Variants in ARID2 observed in about 807,000 individuals in gnomAD.
ARID2 encodes the protein AT-rich interactive domain-containing protein 2.
ARID2 carries 32 observed loss-of-function variants against 184.6 expected under a neutral mutation model. That is an observed-to-expected ratio of 0.17 (90% CI 0.13 to 0.23). The LOEUF (loss-of-function observed/expected upper bound fraction) is 0.23. ARID2 is among the 10% of genes least tolerant of loss of function. The pLI is 1.00. For missense variants in ARID2, 1,696 were observed against 2,197.6 expected (o/e 0.77, Z 4.56); for synonymous variants, 836 against 772.6 (o/e 1.08, Z -1.36).
At chr12:45,886,302 C>G (rs1436896529) in intron 16 of ARID2, among the ~76,000 whole-genome samples, 3 of 152,224 alleles carry the variant, frequency 2.0e-5, no homozygotes, top group African/African-American at 7.2e-5. Flanking sequence ...GTTTCACACC[C>G]TGGTCACGCT....
chr12:45,787,603 TA>T (rs1446861685), intron 3 of ARID2, among the ~76,000 whole-genome samples: 4 of 152,134 alleles, frequency 2.6e-5, no homozygotes, highest in African/African-American at 9.7e-5. Context: ...ATTTGTTGAT[TA>T]AAAAATAGAA....
intron 12 of ARID2, among the ~76,000 whole-genome samples, 164 bp downstream of exon 12, chr12:45,847,101 A>G (rs1017626611): frequency 6.6e-6 from 1 of 152,154 alleles, no homozygotes; most frequent in Non-Finnish European, 1.5e-5. Context: ...ATCCCCTTGT[A>G]TATTGGAATA....
chr12:45,827,454 T>C (rs902151528), intron 6 of ARID2, among the ~76,000 whole-genome samples: 15 of 152,132 alleles, frequency 9.9e-5, no homozygotes, highest in African/African-American at 3.4e-4. Flanking sequence ...CTATTTTCTG[T>C]GTGCCAATAC....
intron 10 of ARID2, among the ~76,000 whole-genome samples, 179 bp from the exon 11 acceptor site, chr12:45,839,150 C>T (rs958916809): frequency 1.9e-4 from 29 of 152,026 alleles, no homozygotes; most frequent in Middle Eastern, 3.4e-3. Flanking sequence ...AGGTGTGAGC[C>T]GCCACGCCCA....
At chr12:45,788,517 T>C (rs1044185602) in intron 3 of ARID2, among the ~76,000 whole-genome samples, 1 of 152,166 alleles carries the variant, frequency 6.6e-6, no homozygotes, top group Admixed American at 6.5e-5. Context: ...TTCATACTTA[T>C]TTACATGTAT....
chr12:45,777,923 C>T (rs371089121), intron 3 of ARID2, among the ~76,000 whole-genome samples: 2 of 151,366 alleles, frequency 1.3e-5, no homozygotes, highest in East Asian at 1.9e-4. Flanking sequence ...TGGTTAAAAC[C>T]GGCCAGGCCC....
At chr12:45,748,116 A>G (rs562297295) in intron 3 of ARID2, among the ~76,000 whole-genome samples, 7 of 152,300 alleles carry the variant, frequency 4.6e-5, no homozygotes, top group African/African-American at 1.2e-4. Flanking sequence ...TAGGCCCAGC[A>G]CTTTGTGAGG....
chr12:45,797,344 C>T (rs1371885654), intron 3 of ARID2, among the ~76,000 whole-genome samples: 2 of 152,174 alleles, frequency 1.3e-5, no homozygotes, highest in East Asian at 1.9e-4. Flanking sequence ...AAGTGATTCT[C>T]CTGCCTCAGC....
chr12:45,738,053 T>C (rs1941164692), intron 3 of ARID2, among the ~76,000 whole-genome samples: 3 of 152,206 alleles, frequency 2.0e-5, no homozygotes, highest in Non-Finnish European at 4.4e-5. Context: ...TTATTCCTAA[T>C]TGGAGAACTT....
intron 3 of ARID2, among the ~76,000 whole-genome samples, chr12:45,791,878 A>G (rs1942299017): frequency 6.6e-6 from 1 of 152,252 alleles, no homozygotes; most frequent in African/African-American, 2.4e-5. Context: ...TTCAGTAATT[A>G]TAGCACTAGT....
intron 16 of ARID2, among the ~76,000 whole-genome samples, chr12:45,873,837 G>T (rs1943964471): frequency 6.6e-6 from 1 of 152,180 alleles, no homozygotes; most frequent in African/African-American, 2.4e-5. Flanking sequence ...CTGGTGAAAG[G>T]TCTTGCCTCG....
chr12:45,852,641 A>G lies in ARID2; in HGVS notation c.4518A>G (p.Thr1506=). 1 of 1,614,212 alleles carries G rather than the reference A, an allele frequency of 6.2e-7. No individual in the cohort carries two copies. Among genetic ancestry groups the G allele is most frequent in the Admixed American group, 1.7e-5 (1 of 60,024 alleles). The part of the protein sequence containing the change: ...SPALSSDVRS[T]NGTAECKTVK... ...CCCTATCATCTGACGTTCGGTCTACAAATGGCACAGCAGAATGCAAAACTG... is the reference window on the plus strand; with the variant it reads ...CCCTATCATCTGACGTTCGGTCTACGAATGGCACAGCAGAATGCAAAACTG... Residue 1506 remains threonine (T), a synonymous_variant, in exon 15 of 21, where the codon ACA becomes ACG. Transcript: ENST00000334344.
Position 45,852,794 on chromosome 12 carries a change from A to T in ARID2, c.4671A>T (p.Pro1557=), listed in dbSNP as rs182923327. Residue 1557 remains proline (P), a synonymous_variant, in exon 15 of 21, where the codon CCA becomes CCT. Transcript: ENST00000334344. ...GCAGCGCAACAATGGTTGCTGTGCCAGCAGGAGCAGATCCAAGCACTGTAG... is the reference window on the plus strand; with the variant it reads ...GCAGCGCAACAATGGTTGCTGTGCCTGCAGGAGCAGATCCAAGCACTGTAG... ...AGCSATMVAV[P]AGADPSTVAK... is the part of the protein sequence containing the mutation. 3 of 1,614,154 alleles carry T rather than the reference A, an allele frequency of 1.9e-6. No individual in the cohort carries two copies. In the East Asian group the frequency reaches 6.7e-5, roughly 36 times the overall value.
intron 10 of ARID2, among the ~76,000 whole-genome samples, chr12:45,839,059 C>T (rs994958493): frequency 1.3e-5 from 2 of 150,828 alleles, no homozygotes; most frequent in Non-Finnish European, 3.0e-5. Flanking sequence ...AGAGATGGGG[C>T]TTCACCATGT....
At chr12:45,736,056 T>C (rs1941111570) in intron 3 of ARID2, among the ~76,000 whole-genome samples, 1 of 152,204 alleles carries the variant, frequency 6.6e-6, no homozygotes, top group African/African-American at 2.4e-5. Context: ...ATAACGTCTT[T>C]GATAGACAAG....
intron 3 of ARID2, among the ~76,000 whole-genome samples, chr12:45,739,598 T>G (rs1941209826): frequency 6.6e-6 from 1 of 152,080 alleles, no homozygotes; most frequent in Non-Finnish European, 1.5e-5. Flanking sequence ...ATAATTCTGG[T>G]CTTTCTGAGT....
intron 3 of ARID2, among the ~76,000 whole-genome samples, chr12:45,745,903 T>C (rs1398614802): frequency 6.6e-6 from 1 of 152,164 alleles, no homozygotes; most frequent in Non-Finnish European, 1.5e-5. Context: ...AAAAACACTT[T>C]TTACTGCAAA....
chr12:45,849,884 G>A, intron 14 of ARID2, 108 bp downstream of exon 14: 2 of 1,404,224 alleles, frequency 1.4e-6, no homozygotes, highest in Non-Finnish European at 1.9e-6. Flanking sequence ...GTCTCCAGTA[G>A]CATTTTCTTA....
chr12:45,785,740 A>G (rs1292448702), intron 3 of ARID2, among the ~76,000 whole-genome samples: 1 of 151,640 alleles, frequency 6.6e-6, no homozygotes, highest in Non-Finnish European at 1.5e-5. Context: ...CACCCCCCCA[A>G]ATCCAAAAAA....
Sources: gnomAD v4.1 joint callset for allele counts (sites outside exome capture counted in the v4.1 genomes callset) on GRCh38, gnomAD v4.1.1 for gene constraint, MANE v1.5 for transcripts, NCBI Gene and HGNC (gene_info 2026-07-23, HGNC 2026-07-21) for gene names.